The following PIBF1 variants were observed in gnomAD, a reference collection of about 807,000 sequenced individuals.
PIBF1 encodes progesterone-induced-blocking factor 1.
A neutral mutation model predicts 112.5 loss-of-function variants in PIBF1; 90 were observed. The observed-to-expected ratio is 0.80, with a 90% CI of 0.67 to 0.95. The LOEUF (loss-of-function observed/expected upper bound fraction) is 0.95, where lower values mean the gene tolerates loss of function less well. Ranked by LOEUF, PIBF1 falls within the 40% of genes least tolerant of loss-of-function variation. The pLI is 0.00. For synonymous variants in PIBF1, 301 were observed against 288.6 expected (o/e 1.04, Z -0.44); for missense variants, 915 against 852.3 (o/e 1.07, Z -0.92).
At chr13:72,790,368 G>A (rs973612629) in intron 2 of PIBF1, among the ~76,000 whole-genome samples, 1 of 150,568 alleles carries the variant, frequency 6.6e-6, no homozygotes, top group African/African-American at 2.4e-5. Context: ...TTTTGAAGGT[G>A]TAACTTATAG....
At chr13:72,787,879 C>T (rs2034687031) in intron 2 of PIBF1, among the ~76,000 whole-genome samples, 1 of 152,068 alleles carries the variant, frequency 6.6e-6, no homozygotes, top group Admixed American at 6.6e-5. Flanking sequence ...AGGCTGGTCT[C>T]GAACTCCTGG....
intron 11 of PIBF1, among the ~76,000 whole-genome samples, chr13:72,906,924 A>G (rs1045562550): frequency 6.6e-6 from 1 of 152,164 alleles, no homozygotes; most frequent in Non-Finnish European, 1.5e-5. Flanking sequence ...ATCAGCCACC[A>G]GATTCTTAAT....
intron 14 of PIBF1, among the ~76,000 whole-genome samples, chr13:72,940,054 C>T (rs2041971037): frequency 6.6e-6 from 1 of 152,092 alleles, no homozygotes; most frequent in East Asian, 1.9e-4. Context: ...TTTTGTTGAA[C>T]ATCTTACATA....
chr13:72,874,178 T>A (rs943016775), intron 10 of PIBF1, among the ~76,000 whole-genome samples: 11 of 152,124 alleles, frequency 7.2e-5, no homozygotes, highest in Admixed American at 2.0e-4. Context: ...TGTGACTGTG[T>A]CAAACAGTTT....
chr13:72,997,663 G>A (rs1466497823), intron 16 of PIBF1, among the ~76,000 whole-genome samples: 3 of 152,192 alleles, frequency 2.0e-5, no homozygotes, highest in African/African-American at 7.2e-5. Context: ...CAGAGCTGGT[G>A]TCTATAAACA....
At chr13:73,004,501 A>AAG (rs76842737) in intron 17 of PIBF1, among the ~76,000 whole-genome samples, 81,299 of 137,538 alleles carry the variant, frequency 0.59, 24,941 homozygotes, top group East Asian at 0.81. Flanking sequence ...AAAAAAAAAA[A>AAG]AAAGAAAGAA....
chr13:73,007,968 A>G (rs2044089447), intron 17 of PIBF1, among the ~76,000 whole-genome samples: 1 of 152,224 alleles, frequency 6.6e-6, no homozygotes, highest in African/African-American at 2.4e-5. Flanking sequence ...TGGCTAGCAC[A>G]TTACTGACTA....
chr13:72,943,464 T>C (rs531431681), intron 14 of PIBF1, among the ~76,000 whole-genome samples: 3 of 152,356 alleles, frequency 2.0e-5, no homozygotes, highest in Admixed American at 1.3e-4. Context: ...ACCCTATGCA[T>C]ATAATTATGT....
At chr13:72,928,272 A>G (rs2041594912) in intron 13 of PIBF1, among the ~76,000 whole-genome samples, 1 of 151,870 alleles carries the variant, frequency 6.6e-6, no homozygotes, top group South Asian at 2.1e-4. Context: ...ACTATAAACT[A>G]GTAATCAAAG....
At chr13:73,012,612 A>G (rs982908051) in intron 17 of PIBF1, among the ~76,000 whole-genome samples, 1 of 151,652 alleles carries the variant, frequency 6.6e-6, no homozygotes, top group Non-Finnish European at 1.5e-5. Context: ...ACACTTAGCC[A>G]GGCACTGTGG....
At chr13:72,952,004 T>C (rs2042310329) in intron 14 of PIBF1, among the ~76,000 whole-genome samples, 1 of 151,258 alleles carries the variant, frequency 6.6e-6, no homozygotes, top group African/African-American at 2.4e-5. Context: ...AGCTTTAATT[T>C]CTTTTAATTT....
At chr13:72,814,435 CAAAAAA>C (rs547722918) in intron 5 of PIBF1, among the ~76,000 whole-genome samples, 1 of 73,140 alleles carries the variant, frequency 1.4e-5, no homozygotes, top group Non-Finnish European at 2.7e-5. Flanking sequence ...GACTTCGTCT[CAAAAAA>C]AAAAAAAAAA....
chr13:72,857,501 C>G (rs2038477190), intron 10 of PIBF1, among the ~76,000 whole-genome samples: 1 of 152,146 alleles, frequency 6.6e-6, no homozygotes, highest in African/African-American at 2.4e-5. Context: ...ACTGATTTTC[C>G]CTTCTCCAAA....
intron 5 of PIBF1, among the ~76,000 whole-genome samples, chr13:72,820,689 G>T (rs1219835548): frequency 2.0e-5 from 3 of 152,174 alleles, no homozygotes; most frequent in African/African-American, 7.2e-5. Context: ...AAATGATCCA[G>T]TCAGTATGTG....
intron 5 of PIBF1, among the ~76,000 whole-genome samples, chr13:72,808,744 T>G (rs1342377458): frequency 3.3e-5 from 5 of 152,198 alleles, no homozygotes; most frequent in Non-Finnish European, 2.9e-5. Flanking sequence ...TTAGAGCAGC[T>G]GCAGTTCCCA....
rs71099767 is a variant in PIBF1, at chr13:72,904,433, C to CTTTTTTTT, written c.1489-4080_1489-4073dup. ...ATTTATCCAAAATATCAAAATATTT[C>CTTTTTTTT]TTTTTTTTTTTTTTTTTTTTTTTTT... On this transcript the variant is annotated intron_variant, in intron 11 of 17. Coordinates refer to ENST00000326291, the MANE Select transcript of PIBF1 (RefSeq NM_006346.4). Among the ~76,000 whole-genome samples, 262 of 36,558 alleles carry CTTTTTTTT rather than the reference C, an allele frequency of 7.2e-3. 55 individuals carry two copies. The highest frequency in any genetic ancestry group is 0.032 in the East Asian group (29 of 902). 24.0% of individuals were successfully genotyped at this position (36,558 alleles called of 152,430 possible).
In PIBF1 at chr13:72,854,049, A is replaced by G. The variant is rs1378161110; in HGVS notation, c.1224-8A>G. The G allele has an allele frequency of 6.3e-7, 1 of 1,585,394 alleles. No homozygotes were observed. The highest frequency in any genetic ancestry group is 2.2e-5 in the East Asian group (1 of 44,714). On this transcript the variant is annotated splice_region_variant and splice_polypyrimidine_tract_variant and intron_variant, in intron 9 of 17. Transcript: ENST00000326291. ...TTGAAATAACTGAAATCCATGTTTA[A>G]AATTTAGAAATCTCCGAGAAGCAAG...
intron 17 of PIBF1, among the ~76,000 whole-genome samples, chr13:72,999,607 A>G (rs2043791718): frequency 6.6e-6 from 1 of 152,186 alleles, no homozygotes; most frequent in Non-Finnish European, 1.5e-5. Context: ...TAATTTTTTT[A>G]ACTCCCAAGT....
chr13:72,785,103 A>G (rs868432051), intron 2 of PIBF1, among the ~76,000 whole-genome samples: 2 of 152,052 alleles, frequency 1.3e-5, no homozygotes, highest in African/African-American at 2.4e-5. Context: ...CTTATAACCT[A>G]ATCACCCCAA....
Sources: allele counts gnomAD v4.1 joint callset (sites outside exome capture counted in the v4.1 genomes callset), GRCh38; gene constraint gnomAD v4.1.1; transcripts MANE v1.5; gene names NCBI Gene and HGNC (gene_info 2026-07-23, HGNC 2026-07-21).